Variants in MAN2A1 observed in about 807,000 individuals in gnomAD.
The protein encoded by MAN2A1 is mannosidase alpha class 2A member 1.
Under a neutral mutation model 142.6 loss-of-function variants are expected in MAN2A1, and 76 were observed. The ratio of observed to expected loss-of-function variants is 0.53; its 90% CI spans 0.44 to 0.65. MAN2A1 has a LOEUF of 0.65. MAN2A1 is among the 30% of genes least tolerant of loss of function. The pLI, the probability that MAN2A1 is intolerant of heterozygous loss-of-function variation, is 0.00. For synonymous variants in MAN2A1, 559 were observed against 473.2 expected (o/e 1.18, Z -2.35); for missense variants, 1,311 against 1,365.1 (o/e 0.96, Z 0.62).
At chr5:109,779,592 C>CACACACAG in intron 8 of MAN2A1, among the ~76,000 whole-genome samples, 1 of 152,028 alleles carries the variant, frequency 6.6e-6, no homozygotes, top group Non-Finnish European at 1.5e-5. Flanking sequence ...CAAACACACA[C>CACACACAG]AGTCTTCTTC....
intron 19 of MAN2A1, among the ~76,000 whole-genome samples, 179 bp downstream of exon 19, chr5:109,847,969 T>C (rs1755385457): frequency 6.6e-6 from 1 of 152,198 alleles, no homozygotes; most frequent in Admixed American, 6.6e-5. Context: ...GTGTAAGATT[T>C]GCACTTAGGT....
At chr5:109,740,382 T>G (rs1706040390) in intron 4 of MAN2A1, among the ~76,000 whole-genome samples, 1 of 152,194 alleles carries the variant, frequency 6.6e-6, no homozygotes, top group Admixed American at 6.5e-5. Flanking sequence ...TGGGGCTGGC[T>G]TTCTCCCTCT....
rs368517284 is a variant in MAN2A1 at position 109,817,344 on chromosome 5, C to T, written c.2015C>T (p.Thr672Ile). ...GTCTCAGTCTATGTGAGTTCCCCGA[C>T]AGTGCAAGTGTTCTCTGCTTCAGGA... ...SLVSVYVSSP[T>I]VQVFSASGKP... The change falls in exon 13 of 22, where the codon ACA becomes ATA. Residue 672 changes from threonine (T) to isoleucine (I), a missense_variant. By Grantham distance (89) the Thr-to-Ile change is moderately conservative. Coordinates refer to ENST00000261483, the MANE Select transcript of MAN2A1 (RefSeq NM_002372.4). 3.1e-6 allele frequency: 5 copies of T among 1,614,116 alleles called. No homozygotes were observed. The highest frequency in any genetic ancestry group is 3.3e-4 in the Middle Eastern group (2 of 6,062).
At chr5:109,717,563 C>G (rs1469890208) in intron 3 of MAN2A1, among the ~76,000 whole-genome samples, 1 of 152,050 alleles carries the variant, frequency 6.6e-6, no homozygotes, top group African/African-American at 2.4e-5. Context: ...CTACATATAC[C>G]TGTTAGTGTT....
intron 5 of MAN2A1, 49 bp from the exon 6 acceptor site, chr5:109,767,486 A>G (rs1753023529): frequency 1.3e-6 from 2 of 1,493,320 alleles, no homozygotes; most frequent in South Asian, 1.2e-5. Flanking sequence ...ACTTCTTTTT[A>G]TTTCATATAT....
chr5:109,804,096 G>T, intron 12 of MAN2A1: 2 of 852,230 alleles, frequency 2.3e-6, no homozygotes, highest in Non-Finnish European at 2.8e-6. Flanking sequence ...AAAGTGATGT[G>T]GCATATTTCA....
chr5:109,866,202 A>T (rs1580328545), intron 21 of MAN2A1, among the ~76,000 whole-genome samples: 3 of 152,052 alleles, frequency 2.0e-5, no homozygotes, highest in Admixed American at 2.0e-4. Flanking sequence ...TGATGATCTA[A>T]GTTTACTTGG....
intron 20 of MAN2A1, among the ~76,000 whole-genome samples, chr5:109,858,180 C>T (rs1442208950): frequency 6.6e-6 from 1 of 152,172 alleles, no homozygotes; most frequent in Non-Finnish European, 1.5e-5. Flanking sequence ...ATAATCAGAA[C>T]TAAATACTTG....
chr5:109,822,288 A>G (rs932151937), intron 15 of MAN2A1, among the ~76,000 whole-genome samples: 1 of 151,844 alleles, frequency 6.6e-6, no homozygotes, highest in Non-Finnish European at 1.5e-5. Context: ...CTCATTCACC[A>G]GCTTTTGTCA....
chr5:109,807,026 G>T (rs1410568732), intron 12 of MAN2A1, among the ~76,000 whole-genome samples: 2 of 152,054 alleles, frequency 1.3e-5, no homozygotes, highest in African/African-American at 4.8e-5. Context: ...AGAGTGTTCT[G>T]TACCTTAGCG....
At chr5:109,737,292 A>T (rs1357124735) in intron 4 of MAN2A1, among the ~76,000 whole-genome samples, 1 of 151,902 alleles carries the variant, frequency 6.6e-6, no homozygotes, top group Admixed American at 6.6e-5. Flanking sequence ...GGGTTTCACC[A>T]TGTTGGCCAG....
intron 4 of MAN2A1, among the ~76,000 whole-genome samples, chr5:109,748,535 A>G (rs1307529437): frequency 6.6e-6 from 1 of 152,074 alleles, no homozygotes; most frequent in African/African-American, 2.4e-5. Flanking sequence ...GAATAGAAAG[A>G]TAGTAGACAT....
chr5:109,721,615 G>T lies in MAN2A1; in HGVS notation c.535+5351G>T, dbSNP rs1245979485. Among the ~76,000 whole-genome samples, 3 of 152,082 alleles carry T rather than the reference G, an allele frequency of 2.0e-5. 1 individual carries two copies. The highest frequency in any genetic ancestry group is 4.4e-5 in the Non-Finnish European group (3 of 68,014). ...AATTGTAGCACTTGAGTTAAATGGCGCTGTATGGCTATTTAGAATTCTGTT... is the reference window on the plus strand; with the variant it reads ...AATTGTAGCACTTGAGTTAAATGGCTCTGTATGGCTATTTAGAATTCTGTT... On this transcript the variant is annotated intron_variant, in intron 3 of 21. Transcript: ENST00000261483.
chr5:109,690,694 G>A, intron 1 of MAN2A1, 142 bp downstream of exon 1: 5 of 940,722 alleles, frequency 5.3e-6, no homozygotes, highest in Non-Finnish European at 6.3e-6. Context: ...GCTCTCGGAC[G>A]GCAATGATCA....
intron 7 of MAN2A1, among the ~76,000 whole-genome samples, chr5:109,772,169 C>T (rs909560486): frequency 7.9e-5 from 12 of 152,034 alleles, no homozygotes; most frequent in Non-Finnish European, 1.6e-4. Flanking sequence ...CCGAGGCAGG[C>T]GGATTTTCTG....
intron 8 of MAN2A1, among the ~76,000 whole-genome samples, chr5:109,776,756 C>T (rs1193815170): frequency 6.6e-6 from 1 of 152,132 alleles, no homozygotes; most frequent in Non-Finnish European, 1.5e-5. Flanking sequence ...CCAGTCATCA[C>T]CAACTGCCGC....
At chr5:109,738,732 C>A (rs1752179689) in intron 4 of MAN2A1, among the ~76,000 whole-genome samples, 1 of 152,186 alleles carries the variant, frequency 6.6e-6, no homozygotes, top group Non-Finnish European at 1.5e-5. Flanking sequence ...CATTTTAAAA[C>A]CCCAATAAAC....
chr5:109,780,398 G>A (rs989680945), intron 8 of MAN2A1, among the ~76,000 whole-genome samples: 3 of 151,988 alleles, frequency 2.0e-5, no homozygotes, highest in Non-Finnish European at 2.9e-5. Flanking sequence ...TCACTGTAAC[G>A]TGGATAGACA....
At chr5:109,729,150 T>G (rs1157858334) in intron 3 of MAN2A1, among the ~76,000 whole-genome samples, 192 bp from the exon 4 acceptor site, 1 of 152,160 alleles carries the variant, frequency 6.6e-6, no homozygotes. Context: ...TTTCATTGTT[T>G]TAATATTAGT....
Sources: gnomAD v4.1 joint callset for allele counts (sites outside exome capture counted in the v4.1 genomes callset) on GRCh38, gnomAD v4.1.1 for gene constraint, MANE v1.5 for transcripts, NCBI Gene and HGNC (gene_info 2026-07-23, HGNC 2026-07-21) for gene names.